GAREM1: variants seen among roughly 807,000 people sequenced by gnomAD.
GAREM1 encodes GRB2 associated regulator of MAPK1 subtype 1, also known as GRB2-associated and regulator of MAPK protein 1.
A neutral mutation model predicts 71.3 loss-of-function variants in GAREM1; 26 were observed. That is an observed-to-expected ratio of 0.36 (90% CI 0.27 to 0.51). The LOEUF (loss-of-function observed/expected upper bound fraction) is 0.51. GAREM1 is among the 20% of genes least tolerant of loss of function. The pLI is 0.95. For synonymous variants in GAREM1, 440 were observed against 433.2 expected (o/e 1.02, Z -0.20); for missense variants, 1,026 against 1,103.1 (o/e 0.93, Z 0.99).
intron 1 of GAREM1, among the ~76,000 whole-genome samples, chr18:32,468,884 G>A (rs1370977047): frequency 1.3e-5 from 2 of 151,838 alleles, no homozygotes; most frequent in African/African-American, 4.8e-5. Flanking sequence ...GTTCAGGTCT[G>A]CAGATGCTAT....
chr18:32,270,466 G>T, intron 4 of GAREM1, 83 bp from the exon 5 acceptor site: 1 of 1,213,780 alleles, frequency 8.2e-7, no homozygotes, highest in Non-Finnish European at 1.2e-6. Context: ...ACTTGCTCAA[G>T]TCACACTCTT....
At chr18:32,278,852 T>A (rs1389299009) in intron 4 of GAREM1, among the ~76,000 whole-genome samples, 1 of 152,208 alleles carries the variant, frequency 6.6e-6, no homozygotes, top group African/African-American at 2.4e-5. Flanking sequence ...GTCAAAATCC[T>A]GATTCTTAGA....
chr18:32,329,623 T>C (rs1422034860), intron 2 of GAREM1, among the ~76,000 whole-genome samples: 2 of 147,416 alleles, frequency 1.4e-5, no homozygotes, highest in East Asian at 4.0e-4. Flanking sequence ...GAAGAATCAC[T>C]TGAACCCAGG....
chr18:32,268,837 T>G (rs1195946646), intron 5 of GAREM1, 69 bp from the exon 6 acceptor site: 1 of 1,346,746 alleles, frequency 7.4e-7, no homozygotes, highest in East Asian at 2.3e-5. Flanking sequence ...TTTTGTTATT[T>G]ATAGACGTTA....
intron 2 of GAREM1, among the ~76,000 whole-genome samples, chr18:32,332,826 C>G (rs1394781215): frequency 6.6e-6 from 1 of 152,164 alleles, no homozygotes; most frequent in Non-Finnish European, 1.5e-5. Context: ...AAGCTGGTCC[C>G]TCCTGTCTGT....
chr18:32,343,835 G>A (rs1487933902), intron 2 of GAREM1, among the ~76,000 whole-genome samples: 2 of 152,024 alleles, frequency 1.3e-5, no homozygotes, highest in East Asian at 3.9e-4. Context: ...TAAGCCACCC[G>A]CTCCTGGCAG....
At chr18:32,289,674 G>A (rs1397841870) in intron 3 of GAREM1, among the ~76,000 whole-genome samples, 2 of 152,046 alleles carry the variant, frequency 1.3e-5, no homozygotes, top group African/African-American at 4.8e-5. Context: ...TCTGAACCAG[G>A]GGTGACTATA....
intron 1 of GAREM1, among the ~76,000 whole-genome samples, chr18:32,448,974 T>C (rs1363114620): frequency 6.6e-6 from 1 of 152,208 alleles, no homozygotes; most frequent in East Asian, 1.9e-4. Flanking sequence ...ATAAAGATGA[T>C]GGACAGAAGA....
chr18:32,384,228 A>G (rs2048123996), intron 2 of GAREM1, among the ~76,000 whole-genome samples: 1 of 152,024 alleles, frequency 6.6e-6, no homozygotes, highest in Admixed American at 6.6e-5. Context: ...CTTCTACCAC[A>G]TGGTGAAAAC....
intron 1 of GAREM1, among the ~76,000 whole-genome samples, chr18:32,459,721 A>G (rs2048933432): frequency 6.6e-6 from 1 of 152,196 alleles, no homozygotes; most frequent in Non-Finnish European, 1.5e-5. Flanking sequence ...ATGAAGATCT[A>G]GGAGCATAAA....
chr18:32,432,784 A>T (rs1217169580), intron 1 of GAREM1, among the ~76,000 whole-genome samples: 1 of 152,158 alleles, frequency 6.6e-6, no homozygotes, highest in Non-Finnish European at 1.5e-5. Context: ...AATGAAATTA[A>T]ATTTGTAGTG....
chr18:32,429,949 T>C (rs899973848), intron 1 of GAREM1, among the ~76,000 whole-genome samples: 1 of 152,134 alleles, frequency 6.6e-6, no homozygotes, highest in African/African-American at 2.4e-5. Context: ...GTTCAAAAAA[T>C]ACTAGAAATC....
intron 4 of GAREM1, among the ~76,000 whole-genome samples, chr18:32,275,450 T>C (rs2041527563): frequency 6.6e-6 from 1 of 152,234 alleles, no homozygotes; most frequent in African/African-American, 2.4e-5. Flanking sequence ...CCATTGCAGA[T>C]GACGGTGATC....
intron 1 of GAREM1, among the ~76,000 whole-genome samples, chr18:32,459,137 G>A (rs1323313921): frequency 6.6e-6 from 1 of 152,036 alleles, no homozygotes; most frequent in Non-Finnish European, 1.5e-5. Flanking sequence ...ATTTTAACAA[G>A]CAGTTTTATA....
At chr18:32,377,293 A>G (rs549913513) in intron 2 of GAREM1, among the ~76,000 whole-genome samples, 1 of 152,292 alleles carries the variant, frequency 6.6e-6, no homozygotes, top group Non-Finnish European at 1.5e-5. Flanking sequence ...TTTAAGCCAT[A>G]AGGAAGAAGG....
intron 2 of GAREM1, among the ~76,000 whole-genome samples, chr18:32,378,091 G>A (rs2048055522): frequency 6.6e-6 from 1 of 151,238 alleles, no homozygotes; most frequent in African/African-American, 2.4e-5. Context: ...GCAGGGTTGA[G>A]GTGAAGTGAA....
chr18:32,385,695 G>A (rs1384878997), intron 2 of GAREM1, among the ~76,000 whole-genome samples: 1 of 151,690 alleles, frequency 6.6e-6, no homozygotes, highest in Non-Finnish European at 1.5e-5. Context: ...TCTCTAGGAT[G>A]ACTTCCAAGT....
chr18:32,438,813 G>A (rs1006727579), intron 1 of GAREM1, among the ~76,000 whole-genome samples: 2 of 152,180 alleles, frequency 1.3e-5, no homozygotes, highest in Non-Finnish European at 2.9e-5. Context: ...AATTGTCACT[G>A]AAATAAGTAG....
chr18:32,457,226 A>AGAGAGAGAGTGT (rs1555648709), intron 1 of GAREM1, among the ~76,000 whole-genome samples: 1 of 81,926 alleles, frequency 1.2e-5, no homozygotes, highest in Non-Finnish European at 2.4e-5. Context: ...AGAGAGAGAG[A>AGAGAGAGAGTGT]GTGTGTGTGT....
Sources: allele counts gnomAD v4.1 joint callset (sites outside exome capture counted in the v4.1 genomes callset), GRCh38; gene constraint gnomAD v4.1.1; transcripts MANE v1.5; gene names NCBI Gene and HGNC (gene_info 2026-07-23, HGNC 2026-07-21).